Variants in PPP1R12B observed in about 807,000 individuals in gnomAD.
The protein encoded by PPP1R12B is protein phosphatase 1 regulatory subunit 12B, also known as myosin phosphatase target subunit 2.
Under a neutral mutation model 126.1 loss-of-function variants are expected in PPP1R12B, and 76 were observed. The ratio of observed to expected loss-of-function variants is 0.60; its 90% CI spans 0.50 to 0.73. The LOEUF (loss-of-function observed/expected upper bound fraction) is 0.73. Ranked by LOEUF, PPP1R12B falls within the 30% of genes least tolerant of loss-of-function variation. PPP1R12B has a pLI of 0.00. For missense variants in PPP1R12B, 1,052 were observed against 1,205.1 expected (o/e 0.87, Z 1.88); for synonymous variants, 356 against 434.7 (o/e 0.82, Z 2.25).
chr1:202,397,536 T>G (rs976495790), intron 1 of PPP1R12B, among the ~76,000 whole-genome samples: 2 of 152,204 alleles, frequency 1.3e-5, no homozygotes, highest in African/African-American at 4.8e-5. Flanking sequence ...ATTATGATAT[T>G]CCTCAACCTT....
intron 15 of PPP1R12B, 125 bp downstream of exon 15, chr1:202,493,442 T>C (rs1314083747): frequency 1.9e-6 from 2 of 1,079,994 alleles, no homozygotes; most frequent in African/African-American, 3.2e-5. Flanking sequence ...TCAGTATGGC[T>C]GTCTTTAGTT....
intron 18 of PPP1R12B, among the ~76,000 whole-genome samples, chr1:202,524,556 T>C (rs1256322842): frequency 6.6e-6 from 1 of 152,162 alleles, no homozygotes; most frequent in African/African-American, 2.4e-5. Context: ...GTCCATTGTA[T>C]CACTGACACC....
intron 19 of PPP1R12B, among the ~76,000 whole-genome samples, chr1:202,560,771 A>G (rs1461367172): frequency 6.6e-6 from 1 of 152,196 alleles, no homozygotes; most frequent in African/African-American, 2.4e-5. Context: ...CTGTGGTTCA[A>G]ATGTCTCTGA....
intron 18 of PPP1R12B, among the ~76,000 whole-genome samples, chr1:202,549,179 A>G (rs1295969701): frequency 1.3e-5 from 2 of 152,116 alleles, no homozygotes; most frequent in African/African-American, 4.8e-5. Context: ...CTTTGGGATG[A>G]CTGTGGCCCT....
intron 1 of PPP1R12B, among the ~76,000 whole-genome samples, chr1:202,399,502 T>A: frequency 7.0e-6 from 1 of 142,420 alleles, no homozygotes; most frequent in South Asian, 2.2e-4. Flanking sequence ...CCACCGCACC[T>A]TTTTTTTTTT....
At chr1:202,380,367 A>G (rs377619512) in intron 1 of PPP1R12B, among the ~76,000 whole-genome samples, 1 of 152,162 alleles carries the variant, frequency 6.6e-6, no homozygotes, top group Non-Finnish European at 1.5e-5. Context: ...GAGTTTCATT[A>G]TTTACCTAGA....
rs919467580 is a variant in PPP1R12B, at chr1:202,586,217, C to T, written c.*5657C>T. Reference sequence around the variant, plus strand: ...GTCCACACAACCATATTGCATAGAACAGCACTTGGCTTTCACAAGCCTCCT... The same window carrying T: ...GTCCACACAACCATATTGCATAGAATAGCACTTGGCTTTCACAAGCCTCCT... On this transcript the variant is annotated 3_prime_UTR_variant, in exon 24 of 24. Transcript: ENST00000608999. 3 of 152,352 alleles carry T rather than the reference C, an allele frequency of 2.0e-5. No individual in the cohort carries two copies. Among genetic ancestry groups the T allele is most frequent in the Middle Eastern group, 3.4e-3 (1 of 294 alleles). 9.4% of individuals were successfully genotyped at this position (152,352 alleles called of 1,614,324 possible). A position where few individuals can be genotyped will look rare whatever the true frequency, so the allele number is the denominator to read the frequency against.
At chr1:202,441,517 G>T (rs1357822225) in intron 11 of PPP1R12B, among the ~76,000 whole-genome samples, 1 of 152,046 alleles carries the variant, frequency 6.6e-6, no homozygotes, top group Non-Finnish European at 1.5e-5. Context: ...TACTGAATTA[G>T]AATCTGCATT....
intron 10 of PPP1R12B, among the ~76,000 whole-genome samples, chr1:202,440,180 C>A (rs573073100): frequency 6.6e-6 from 1 of 152,092 alleles, no homozygotes; most frequent in East Asian, 1.9e-4. Context: ...TTGTGCTTTT[C>A]TCTGGGGTCA....
intron 18 of PPP1R12B, among the ~76,000 whole-genome samples, chr1:202,547,315 T>C (rs1685746438): frequency 6.6e-6 from 1 of 152,226 alleles, no homozygotes; most frequent in East Asian, 1.9e-4. Context: ...TTTATTTCTT[T>C]TAAGCCTCTT....
rs575501611 is a variant in PPP1R12B, at chr1:202,553,682, T to G, written c.2491-5195T>G. On this transcript the variant is annotated intron_variant, in intron 18 of 23. Coordinates refer to ENST00000608999, the MANE Select transcript of PPP1R12B (RefSeq NM_002481.4). ...ATAAGATGAGTCCGCATTCCTAGCC[T>G]CTAAAGGATCATCGATTTGGCTGGA... 4.6e-4 allele frequency among the ~76,000 whole-genome samples: 70 copies of G among 152,282 alleles called. 1 individual carries two copies. The South Asian group carries it at 0.014, about 30-fold the overall frequency.
intron 8 of PPP1R12B, among the ~76,000 whole-genome samples, chr1:202,434,001 C>T (rs576792740): frequency 6.6e-6 from 1 of 152,174 alleles, no homozygotes. Context: ...CATGAATAAA[C>T]TACATGTCAC....
At chr1:202,472,931 A>G (rs973124670) in intron 13 of PPP1R12B, among the ~76,000 whole-genome samples, 4 of 152,192 alleles carry the variant, frequency 2.6e-5, no homozygotes, top group African/African-American at 9.7e-5. Context: ...TGGTCTCACA[A>G]CAGAGCTGTT....
chr1:202,532,445 T>TA (rs1684055304), intron 18 of PPP1R12B, among the ~76,000 whole-genome samples: 1 of 152,254 alleles, frequency 6.6e-6, no homozygotes, highest in South Asian at 2.1e-4. Flanking sequence ...GTATTCAAGA[T>TA]AGAGTGCCTC....
At chr1:202,526,761 A>G (rs1683392487) in intron 18 of PPP1R12B, among the ~76,000 whole-genome samples, 1 of 151,960 alleles carries the variant, frequency 6.6e-6, no homozygotes, top group African/African-American at 2.4e-5. Flanking sequence ...TGGAGGGGTT[A>G]TAGTTTTTTG....
chr1:202,563,056 C>T, intron 20 of PPP1R12B, 134 bp downstream of exon 20: 1 of 1,051,046 alleles, frequency 9.5e-7, no homozygotes. Flanking sequence ...TAATTCCTTG[C>T]AGTTTTCTGG....
intron 1 of PPP1R12B, among the ~76,000 whole-genome samples, chr1:202,384,857 G>A (rs905012398): frequency 4.6e-5 from 7 of 152,190 alleles, no homozygotes; most frequent in African/African-American, 1.4e-4. Context: ...TCTTCACTGG[G>A]TAAGTGATGT....
At chr1:202,425,187 A>G (rs10158107) in intron 3 of PPP1R12B, among the ~76,000 whole-genome samples, 65,984 of 152,116 alleles carry the variant, frequency 0.43, 15,661 homozygotes, top group East Asian at 0.7. Context: ...TGTAATATCT[A>G]TTATATTTAC....
At chr1:202,492,551 G>T (rs896989533) in intron 14 of PPP1R12B, among the ~76,000 whole-genome samples, 3 of 152,128 alleles carry the variant, frequency 2.0e-5, no homozygotes, top group Admixed American at 6.5e-5. Flanking sequence ...TGACACTGTG[G>T]GGGGAACATT....
Sources: gnomAD v4.1 joint callset for allele counts (sites outside exome capture counted in the v4.1 genomes callset) on GRCh38, gnomAD v4.1.1 for gene constraint, MANE v1.5 for transcripts, NCBI Gene and HGNC (gene_info 2026-07-23, HGNC 2026-07-21) for gene names.